Variants in ERBIN observed in about 807,000 individuals in gnomAD.
ERBIN encodes densin-180-like protein.
A neutral mutation model predicts 158.4 loss-of-function variants in ERBIN; 60 were observed. The observed-to-expected ratio is 0.38, with a 90% CI of 0.31 to 0.47. The LOEUF (loss-of-function observed/expected upper bound fraction) is 0.47, where lower values mean the gene tolerates loss of function less well. ERBIN is among the 20% of genes least tolerant of loss of function. ERBIN has a pLI of 0.99. For missense variants in ERBIN, 1,610 were observed against 1,648.0 expected (o/e 0.98, Z 0.40); for synonymous variants, 594 against 557.2 (o/e 1.07, Z -0.93).
At chr5:66,063,669 G>T (rs1760697247) in intron 21 of ERBIN, among the ~76,000 whole-genome samples, 1 of 152,232 alleles carries the variant, frequency 6.6e-6, no homozygotes, top group Admixed American at 6.5e-5. Context: ...TTCCTATTCG[G>T]CCATCTTGGC....
At chr5:65,983,856 G>C (rs1014703207) in intron 1 of ERBIN, among the ~76,000 whole-genome samples, 5 of 152,290 alleles carry the variant, frequency 3.3e-5, no homozygotes, top group African/African-American at 9.6e-5. Context: ...GGACCTGGGT[G>C]ACTGTGGTTG....
intron 1 of ERBIN, among the ~76,000 whole-genome samples, chr5:65,972,709 A>G (rs976991181): frequency 4.0e-5 from 6 of 151,502 alleles, no homozygotes; most frequent in Non-Finnish European, 7.3e-5. Flanking sequence ...ATAGATCTGA[A>G]TGCTACAAAA....
chr5:65,993,365 T>C (rs999113196), intron 3 of ERBIN, among the ~76,000 whole-genome samples: 2 of 152,216 alleles, frequency 1.3e-5, no homozygotes, highest in East Asian at 3.8e-4. Flanking sequence ...TTTTCCTCCA[T>C]TTACAATTTG....
At chr5:65,988,397 T>G (rs1047920607) in intron 1 of ERBIN, among the ~76,000 whole-genome samples, 2 of 151,952 alleles carry the variant, frequency 1.3e-5, no homozygotes, top group African/African-American at 4.8e-5. Context: ...AGCTAGTCAT[T>G]TATTTAGAAG....
intron 4 of ERBIN, among the ~76,000 whole-genome samples, chr5:66,010,286 T>A (rs1399105868): frequency 1.3e-5 from 2 of 152,202 alleles, no homozygotes; most frequent in East Asian, 3.8e-4. Context: ...GTTGTGTGTT[T>A]TTGGCAAGTA....
chr5:66,066,254 C>CAA (rs1267669874), intron 21 of ERBIN, among the ~76,000 whole-genome samples: 1 of 151,966 alleles, frequency 6.6e-6, no homozygotes, highest in Non-Finnish European at 1.5e-5. Flanking sequence ...ATTTAGACTC[C>CAA]AAACTTCATT....
At chr5:66,073,389 G>A (rs530752295) in intron 22 of ERBIN, among the ~76,000 whole-genome samples, 1 of 150,778 alleles carries the variant, frequency 6.6e-6, no homozygotes, top group African/African-American at 2.5e-5. Context: ...CAGTGATCAA[G>A]TAATAAACAG....
intron 15 of ERBIN, among the ~76,000 whole-genome samples, chr5:66,040,258 G>A (rs61624963): frequency 0.021 from 3,202 of 151,848 alleles, 119 homozygotes; most frequent in African/African-American, 0.072. Flanking sequence ...TAAACTGTCC[G>A]AATCATAGGT....
chr5:65,970,581 ATTTGTAAC>A (rs1158729144), intron 1 of ERBIN, among the ~76,000 whole-genome samples: 1 of 151,790 alleles, frequency 6.6e-6, no homozygotes, highest in African/African-American at 2.4e-5. Flanking sequence ...TTTTCCCCAC[ATTTGTAAC>A]TTTTTATATT....
chr5:66,025,355 T>G, intron 10 of ERBIN, 125 bp from the exon 11 acceptor site: 1 of 742,986 alleles, frequency 1.3e-6, no homozygotes, highest in East Asian at 2.5e-5. Context: ...GGTATCTCTT[T>G]TAGATACGTT....
chr5:66,009,701 A>G (rs896077862), intron 4 of ERBIN, among the ~76,000 whole-genome samples: 1 of 152,186 alleles, frequency 6.6e-6, no homozygotes, highest in South Asian at 2.1e-4. Context: ...GGAGGCTTGG[A>G]ATAGGATTGC....
chr5:65,951,731 T>G (rs1157475325), intron 1 of ERBIN, among the ~76,000 whole-genome samples: 6 of 152,238 alleles, frequency 3.9e-5, no homozygotes. Context: ...AGTCCTTGTT[T>G]TTAGACTGTG....
intron 1 of ERBIN, among the ~76,000 whole-genome samples, chr5:65,980,814 A>G (rs1405021426): frequency 6.6e-6 from 1 of 152,240 alleles, no homozygotes; most frequent in Non-Finnish European, 1.5e-5. Flanking sequence ...TCTCCAACAT[A>G]CATGAAATAA....
chr5:66,038,511 TAAAAAC>T (rs1757616589), intron 15 of ERBIN, 29 bp downstream of exon 15: 2 of 1,488,568 alleles, frequency 1.3e-6, no homozygotes. Context: ...ATTTTCTTGT[TAAAAAC>T]AAATACTAAT....
chr5:65,985,858 G>A (rs1428309285), intron 1 of ERBIN, among the ~76,000 whole-genome samples: 2 of 152,094 alleles, frequency 1.3e-5, no homozygotes, highest in African/African-American at 4.8e-5. Flanking sequence ...GATAATCAAT[G>A]ACTTTCACAT....
chr5:66,025,780 T>G, intron 11 of ERBIN, 68 bp from the exon 12 acceptor site: 1 of 1,150,044 alleles, frequency 8.7e-7, no homozygotes. Context: ...GTTTATATGT[T>G]CTGAAATTTT....
intron 1 of ERBIN, among the ~76,000 whole-genome samples, chr5:65,941,860 C>A (rs1425774307): frequency 6.6e-6 from 1 of 152,106 alleles, no homozygotes; most frequent in African/African-American, 2.4e-5. Context: ...CCTGCCCCAG[C>A]CTCCTGAGTA....
chr5:66,019,190 T>A (rs1377439637), intron 7 of ERBIN, among the ~76,000 whole-genome samples: 1 of 152,190 alleles, frequency 6.6e-6, no homozygotes, highest in African/African-American at 2.4e-5. Flanking sequence ...CTTTATTTCT[T>A]TCTCTTTCCT....
chr5:65,973,210 A>C (rs1436849623), intron 1 of ERBIN, among the ~76,000 whole-genome samples: 1 of 150,328 alleles, frequency 6.7e-6, no homozygotes, highest in Non-Finnish European at 1.5e-5. Flanking sequence ...CAGTGAGAAC[A>C]CTTGGACACA....
Sources: gnomAD v4.1 joint callset for allele counts (sites outside exome capture counted in the v4.1 genomes callset) on GRCh38, gnomAD v4.1.1 for gene constraint, MANE v1.5 for transcripts, NCBI Gene and HGNC (gene_info 2026-07-23, HGNC 2026-07-21) for gene names.